GRAMD1B: variants seen among roughly 807,000 people sequenced by gnomAD.
GRAMD1B encodes the protein GRAM domain containing 1B.
GRAMD1B carries 37 observed loss-of-function variants against 99.7 expected under a neutral mutation model. That is an observed-to-expected ratio of 0.37 (90% CI 0.29 to 0.49). The LOEUF is 0.49. Among genes scored for constraint, GRAMD1B ranks in the 20% least tolerant of loss-of-function variants. The probability of loss-of-function intolerance (pLI) is 0.98; values close to 1 mark genes in which losing one functional copy is unlikely to be tolerated. For synonymous variants in GRAMD1B, 427 were observed against 387.6 expected (o/e 1.10, Z -1.19); for missense variants, 888 against 1,009.2 (o/e 0.88, Z 1.63).
rs145202655 is a variant in GRAMD1B, at chr11:123,621,801, G to T, written c.2545-705G>T. On this transcript the variant is annotated intron_variant, in intron 19 of 19. Transcript: ENST00000635736. ...AGTTGAACACTTCAAGAGAGTTCTTGATCTAGCACTGAGACCCAGTAAGCC... is the reference window on the plus strand; with the variant it reads ...AGTTGAACACTTCAAGAGAGTTCTTTATCTAGCACTGAGACCCAGTAAGCC... Among the ~76,000 whole-genome samples the T allele has an allele frequency of 3.3e-5, 5 of 151,462 alleles. No individual in the cohort carries two copies. In the East Asian group the frequency reaches 9.9e-4, roughly 30 times the overall value.
chr11:123,487,854 G>A (rs1332049834), intron 2 of GRAMD1B, among the ~76,000 whole-genome samples: 1 of 152,156 alleles, frequency 6.6e-6, no homozygotes, highest in Non-Finnish European at 1.5e-5. Context: ...GGATCTGCCT[G>A]CTTCGGCCTC....
At chr11:123,366,342 A>G (rs1946320447) in intron 1 of GRAMD1B, among the ~76,000 whole-genome samples, 1 of 152,260 alleles carries the variant, frequency 6.6e-6, no homozygotes, top group South Asian at 2.1e-4. Context: ...AACTGTGATG[A>G]GGCTAGAGGA....
At chr11:123,602,214 T>A (rs947145537) in intron 8 of GRAMD1B, among the ~76,000 whole-genome samples, 1 of 152,158 alleles carries the variant, frequency 6.6e-6, no homozygotes, top group Non-Finnish European at 1.5e-5. Context: ...TTCTCCTTAG[T>A]CAGAAAGCTG....
chr11:123,585,862 C>G (rs891758233), intron 4 of GRAMD1B, among the ~76,000 whole-genome samples: 3 of 152,208 alleles, frequency 2.0e-5, no homozygotes, highest in African/African-American at 7.2e-5. Context: ...CTCTTCTCAT[C>G]TGTCATTTCT....
At chr11:123,490,692 G>A (rs1938455824) in intron 2 of GRAMD1B, among the ~76,000 whole-genome samples, 1 of 152,198 alleles carries the variant, frequency 6.6e-6, no homozygotes, top group Admixed American at 6.5e-5. Flanking sequence ...AGAGAAGGGA[G>A]GTGTTCAGAG....
At chr11:123,589,614 T>TA (rs1555089174) in intron 4 of GRAMD1B, among the ~76,000 whole-genome samples, 2,432 of 128,170 alleles carry the variant, frequency 0.019, 115 homozygotes, top group African/African-American at 0.052. Flanking sequence ...TGGCTAATTT[T>TA]TATATATATA....
chr11:123,368,684 A>T (rs1946412227), intron 1 of GRAMD1B, among the ~76,000 whole-genome samples: 1 of 147,072 alleles, frequency 6.8e-6, no homozygotes, highest in African/African-American at 2.6e-5. Flanking sequence ...TGTCTCAAAA[A>T]AAAAAAAAAA....
At chr11:123,543,638 A>G (rs1440484778) in intron 2 of GRAMD1B, among the ~76,000 whole-genome samples, 1 of 152,236 alleles carries the variant, frequency 6.6e-6, no homozygotes, top group African/African-American at 2.4e-5. Context: ...TTAGCCAGAA[A>G]CTTTTCTTGG....
In GRAMD1B at chr11:123,624,766, T is replaced by C. The variant is rs989387776; in HGVS notation, c.*2171T>C. 1 of 152,196 alleles carries C rather than the reference T, an allele frequency of 6.6e-6. No individual in the cohort carries two copies. Among genetic ancestry groups the C allele is most frequent in the Non-Finnish European group, 1.5e-5 (1 of 68,038 alleles). 9.4% of individuals were successfully genotyped at this position (152,196 alleles called of 1,614,324 possible). ...ATACATAATTATTTCCTTAAGTTAT[T>C]TAATTATTAAAGGTGCCACGGTGGG... On this transcript the variant is annotated 3_prime_UTR_variant, in exon 20 of 20. Transcript: ENST00000635736.
Position 123,627,087 on chromosome 11 carries a change from G to A in GRAMD1B, c.*4492G>A, listed in dbSNP as rs3187433. The A allele has an allele frequency of 0.34, 51,964 of 152,126 alleles. 9,410 individuals are homozygous for A. Among genetic ancestry groups the A allele is most frequent in the East Asian group, 0.68 (3,509 of 5,150 alleles). The allele number at this position is 152,126 out of a possible 1,614,324, so 9.4% of individuals were successfully genotyped here. A position where few individuals can be genotyped will look rare whatever the true frequency, so the allele number is the denominator to read the frequency against. On this transcript the variant is annotated 3_prime_UTR_variant, in exon 20 of 20. Transcript: ENST00000635736. ...AGCCAGGACTGGAGTCTTGGCAGCT[G>A]ATGAGCAGCACCTTGCCGGCCAGGA...
chr11:123,467,615 TA>T (rs1488161254), intron 1 of GRAMD1B, among the ~76,000 whole-genome samples: 5 of 152,038 alleles, frequency 3.3e-5, no homozygotes, highest in Non-Finnish European at 7.4e-5. Context: ...GTGGCTTCTT[TA>T]TGGGGAAGGT....
intron 3 of GRAMD1B, among the ~76,000 whole-genome samples, chr11:123,577,972 T>A (rs570831970): frequency 1.3e-5 from 2 of 152,194 alleles, no homozygotes; most frequent in South Asian, 4.1e-4. Context: ...CCTTGCAGAA[T>A]GCTATTTTTA....
At chr11:123,579,982 C>T (rs777662775) in intron 3 of GRAMD1B, among the ~76,000 whole-genome samples, 48 of 152,314 alleles carry the variant, frequency 3.2e-4, no homozygotes, top group Non-Finnish European at 3.1e-4. Context: ...CTCCTTTCCC[C>T]TGGGAGATTG....
At chr11:123,599,409 T>C in intron 7 of GRAMD1B, 1 of 671,128 alleles carries the variant, frequency 1.5e-6, no homozygotes, top group Non-Finnish European at 2.8e-6. Context: ...GAGCCATTCC[T>C]TCTCCTCATG....
intron 2 of GRAMD1B, among the ~76,000 whole-genome samples, chr11:123,542,281 C>T (rs1944611777): frequency 6.6e-6 from 1 of 152,216 alleles, no homozygotes; most frequent in East Asian, 1.9e-4. Context: ...TGTAAGATAG[C>T]AGCTCTTTCA....
At chr11:123,407,358 A>T (rs1947891313) in intron 1 of GRAMD1B, among the ~76,000 whole-genome samples, 1 of 152,096 alleles carries the variant, frequency 6.6e-6, no homozygotes, top group Non-Finnish European at 1.5e-5. Flanking sequence ...GCTTCTTGAC[A>T]TATCCGTCTG....
intron 2 of GRAMD1B, among the ~76,000 whole-genome samples, chr11:123,566,594 G>A (rs1005458121): frequency 2.2e-4 from 34 of 152,204 alleles, no homozygotes; most frequent in African/African-American, 7.0e-4. Flanking sequence ...GTGAAACCCC[G>A]TCTCTACTAA....
chr11:123,466,342 G>T (rs1416225900), intron 1 of GRAMD1B, among the ~76,000 whole-genome samples: 1 of 140,032 alleles, frequency 7.1e-6, no homozygotes, highest in Non-Finnish European at 1.5e-5. Context: ...AAGAAGGAAG[G>T]AAGGAAGGAA....
chr11:123,375,625 T>C (rs1298340933), intron 1 of GRAMD1B, among the ~76,000 whole-genome samples: 5 of 152,146 alleles, frequency 3.3e-5, no homozygotes, highest in Non-Finnish European at 5.9e-5. Flanking sequence ...AAATATTATA[T>C]GAATAAAGAG....
Sources: allele counts gnomAD v4.1 joint callset (sites outside exome capture counted in the v4.1 genomes callset), GRCh38; gene constraint gnomAD v4.1.1; transcripts MANE v1.5; gene names NCBI Gene and HGNC (gene_info 2026-07-23, HGNC 2026-07-21).